Variants in PSEN1 observed in about 807,000 individuals in gnomAD.
PSEN1 encodes the protein presenilin 1.
A neutral mutation model predicts 53.5 loss-of-function variants in PSEN1; 15 were observed. That is an observed-to-expected ratio of 0.28 (90% CI 0.19 to 0.43). PSEN1 has a LOEUF of 0.43. Among genes scored for constraint, PSEN1 ranks in the 20% least tolerant of loss-of-function variants. The probability of loss-of-function intolerance (pLI) is 1.00; values close to 1 mark genes in which losing one functional copy is unlikely to be tolerated. For missense variants in PSEN1, 387 were observed against 571.2 expected (o/e 0.68, Z 3.29); for synonymous variants, 208 against 209.8 (o/e 0.99, Z 0.08).
chr14:73,169,540 T>C (rs1452772487), intron 3 of PSEN1: 1 of 152,224 alleles, frequency 6.6e-6, no homozygotes, highest in Non-Finnish European at 1.5e-5. Context: ...TATCTTATTG[T>C]GTTCCATTGT....
At position 73,223,624 on chromosome 14, in the gene PSEN1, GAT is replaced by G. The variant is rs1488436072; in HGVS notation, c.*4339_*4340del. Reference sequence around the variant, plus strand: ...TAAATACCTTTCAAATTCTTGGTAAGATATAATTTTGATAGCTGATTGCAGAT... The same window carrying G: ...TAAATACCTTTCAAATTCTTGGTAAGATAATTTTGATAGCTGATTGCAGAT... On this transcript the variant is annotated 3_prime_UTR_variant, in exon 12 of 12. Coordinates refer to ENST00000324501, the MANE Select transcript of PSEN1 (RefSeq NM_000021.4). 6.6e-6 allele frequency: 1 copy of G among 152,138 alleles called. No homozygotes were observed. Among genetic ancestry groups the G allele is most frequent in the East Asian group, 1.9e-4 (1 of 5,206 alleles). 9.4% of individuals were successfully genotyped at this position (152,138 alleles called of 1,614,324 possible). A position where few individuals can be genotyped will look rare whatever the true frequency, so the allele number is the denominator to read the frequency against.
intron 5 of PSEN1, among the ~76,000 whole-genome samples, chr14:73,182,434 T>A (rs1898247353): frequency 6.6e-6 from 1 of 152,014 alleles, no homozygotes; most frequent in Admixed American, 6.6e-5. Context: ...TGGTTCGAGA[T>A]TGCAGTGAGC....
At chr14:73,183,453 A>G (rs1898290953) in intron 5 of PSEN1, among the ~76,000 whole-genome samples, 1 of 152,090 alleles carries the variant, frequency 6.6e-6, no homozygotes, top group Non-Finnish European at 1.5e-5. Flanking sequence ...GGCCTTCCGC[A>G]GTGTTTGTGT....
chr14:73,217,795 A>ATTTT (rs746495189), intron 11 of PSEN1, among the ~76,000 whole-genome samples: 1,461 of 126,264 alleles, frequency 0.012, 50 homozygotes, highest in African/African-American at 0.041. Context: ...CAAAACTATG[A>ATTTT]TTTTTTTTTT....
At chr14:73,139,925 AAAAG>A (rs1436566936) in intron 1 of PSEN1, among the ~76,000 whole-genome samples, 1 of 152,248 alleles carries the variant, frequency 6.6e-6, no homozygotes, top group Non-Finnish European at 1.5e-5. Context: ...TGATCAAAGC[AAAAG>A]AAAGACTGCA....
intron 4 of PSEN1, among the ~76,000 whole-genome samples, chr14:73,171,602 C>T (rs1171473001): frequency 6.6e-6 from 1 of 152,212 alleles, no homozygotes; most frequent in East Asian, 1.9e-4. Flanking sequence ...GTCCCTGCTG[C>T]TGTGTTCTTC....
intron 1 of PSEN1, among the ~76,000 whole-genome samples, chr14:73,144,685 G>T (rs1449685357): frequency 1.3e-5 from 2 of 152,096 alleles, no homozygotes; most frequent in African/African-American, 4.8e-5. Context: ...AAATTAGTTT[G>T]TTAAGCCTTA....
chr14:73,216,987 A>G, intron 10 of PSEN1, 139 bp from the exon 11 acceptor site: 1 of 959,376 alleles, frequency 1.0e-6, no homozygotes, highest in Admixed American at 1.9e-5. Flanking sequence ...AAGAAAACAC[A>G]GCTGAAGCCT....
intron 7 of PSEN1, among the ~76,000 whole-genome samples, chr14:73,194,566 C>CTT (rs34315326): frequency 2.5e-4 from 32 of 128,770 alleles, no homozygotes; most frequent in East Asian, 1.1e-3. Flanking sequence ...TGGCCATACA[C>CTT]TTTTTTTTTT....
chr14:73,210,595 G>A (rs1488874286), intron 9 of PSEN1, among the ~76,000 whole-genome samples: 1 of 151,992 alleles, frequency 6.6e-6, no homozygotes, highest in African/African-American at 2.4e-5. Context: ...GAGGAGGGAG[G>A]GGGTAGAAAA....
At chr14:73,147,188 G>A (rs1897097561) in intron 1 of PSEN1, among the ~76,000 whole-genome samples, 1 of 152,084 alleles carries the variant, frequency 6.6e-6, no homozygotes, top group South Asian at 2.1e-4. Flanking sequence ...GTTTCGCCAT[G>A]TTGGTCAGGC....
chr14:73,185,302 C>G (rs1454791752), intron 5 of PSEN1, among the ~76,000 whole-genome samples: 1 of 152,202 alleles, frequency 6.6e-6, no homozygotes, highest in South Asian at 2.1e-4. Flanking sequence ...CCACTGCACT[C>G]CAGCCTGGGC....
At chr14:73,216,671 G>A (rs1471602484) in intron 10 of PSEN1, among the ~76,000 whole-genome samples, 5 of 151,700 alleles carry the variant, frequency 3.3e-5, no homozygotes, top group African/African-American at 1.2e-4. Flanking sequence ...AGACAGGAAA[G>A]TCGCTTGAAC....
At chr14:73,142,120 T>C (rs569722047) in intron 1 of PSEN1, among the ~76,000 whole-genome samples, 1 of 152,078 alleles carries the variant, frequency 6.6e-6, no homozygotes, top group East Asian at 1.9e-4. Flanking sequence ...TAATTTCAAT[T>C]ATAGGTTGGA....
At chr14:73,187,232 T>C (rs887137305) in intron 6 of PSEN1, among the ~76,000 whole-genome samples, 9 of 152,262 alleles carry the variant, frequency 5.9e-5, no homozygotes, top group African/African-American at 1.2e-4. Context: ...TTTAAGAATG[T>C]ATAAAAACCA....
At chr14:73,174,761 C>G (rs1897996169) in intron 5 of PSEN1, among the ~76,000 whole-genome samples, 1 of 152,154 alleles carries the variant, frequency 6.6e-6, no homozygotes, top group South Asian at 2.1e-4. Context: ...CTGGTAGCCA[C>G]CATGCATCCT....
At chr14:73,215,846 G>A (rs1899891940) in intron 10 of PSEN1, among the ~76,000 whole-genome samples, 2 of 152,196 alleles carry the variant, frequency 1.3e-5, no homozygotes, top group South Asian at 4.1e-4. Context: ...ATTGTTGCTG[G>A]TGGAAATTCA....
chr14:73,212,769 GC>G (rs1196313940), intron 10 of PSEN1, among the ~76,000 whole-genome samples: 1 of 152,210 alleles, frequency 6.6e-6, no homozygotes, highest in African/African-American at 2.4e-5. Flanking sequence ...AGCCACTAAA[GC>G]CCTTTGGTTA....
At chr14:73,149,616 G>T (rs1418702494) in intron 3 of PSEN1, among the ~76,000 whole-genome samples, 2 of 152,116 alleles carry the variant, frequency 1.3e-5, no homozygotes, top group Non-Finnish European at 2.9e-5. Context: ...CAGAAGCTAG[G>T]ATGGGCAGTT....
Sources: allele counts gnomAD v4.1 joint callset (sites outside exome capture counted in the v4.1 genomes callset), GRCh38; gene constraint gnomAD v4.1.1; transcripts MANE v1.5; gene names NCBI Gene and HGNC (gene_info 2026-07-23, HGNC 2026-07-21).